Variants in MAP3K12 observed in about 807,000 individuals in gnomAD.
MAP3K12 encodes MAPK-upstream kinase.
Under a neutral mutation model 87.5 loss-of-function variants are expected in MAP3K12, and 14 were observed. The ratio of observed to expected loss-of-function variants is 0.16; its 90% CI spans 0.11 to 0.25. MAP3K12 has a LOEUF of 0.25. MAP3K12 is among the 10% of genes least tolerant of loss of function. The pLI is 1.00. For missense variants in MAP3K12, 802 were observed against 1,140.4 expected, an observed-to-expected ratio of 0.70 and a Z score of 4.27; for synonymous variants, 469 against 452.5, an observed-to-expected ratio of 1.04 and a Z score of -0.46.
chr12:53,481,162 A>C lies in MAP3K12; in HGVS notation c.*20T>G. ...AATTTATATAAATATTTCTCTATGT[A>C]CAAGGAATACGAGTGGCTTTCATGG... On this transcript the variant is annotated 3_prime_UTR_variant, in exon 14 of 14. Transcript: ENST00000547488. 1 of 1,320,032 alleles carries C rather than the reference A, an allele frequency of 7.6e-7. No homozygotes were observed. Among genetic ancestry groups the C allele is most frequent in the Non-Finnish European group, 1.0e-6 (1 of 997,332 alleles). 81.8% of individuals were successfully genotyped at this position (1,320,032 alleles called of 1,614,324 possible).
intron 1 of MAP3K12, chr12:53,487,955 C>G (rs1434884244): frequency 6.4e-6 from 1 of 155,636 alleles, no homozygotes; most frequent in African/African-American, 2.4e-5. Flanking sequence ...CTTTCAGACA[C>G]CCTTGGACAG....
chr12:53,481,731 G>A (rs760811328), intron 13 of MAP3K12: 114 of 564,138 alleles, frequency 2.0e-4, no homozygotes, highest in Non-Finnish European at 3.4e-4. Context: ...TCATTCCCTG[G>A]CTGCAATTTA....
rs759437007 is a variant in MAP3K12 at position 53,483,143 on chromosome 12, C to G, written c.1660G>C (p.Ala554Pro). 6.6e-7 allele frequency: 1 copy of G among 1,521,360 alleles called. No individual in the cohort carries two copies. The highest frequency in any genetic ancestry group is 2.3e-5 in the East Asian group (1 of 44,118). 94.2% of individuals were successfully genotyped at this position (1,521,360 alleles called of 1,614,324 possible). A position where few individuals can be genotyped will look rare whatever the true frequency, so the allele number is the denominator to read the frequency against. The change falls in exon 11 of 14, where the codon GCC (alanine) becomes CCC (proline). Residue 554 changes from alanine to proline, a missense_variant. By Grantham distance (27) the Ala-to-Pro change is conservative. Transcript: ENST00000547488. ...CCAGGAAGCCCCACCCCACTCAGGG[C>G]TGCATCTAGTTTAGGGAGCAAAGAC... The part of the protein sequence containing the change: ...TESLLPKLDA[A>P]LSGVGLPGCP...
At position 53,482,556 on chromosome 12, in the gene MAP3K12, A is replaced by G. The variant is rs1292515030; in HGVS notation, c.2238+9T>C. The G allele has an allele frequency of 6.9e-6, 11 of 1,601,320 alleles. No individual in the cohort carries two copies. Among genetic ancestry groups the G allele is most frequent in the Non-Finnish European group, 9.4e-6 (11 of 1,173,724 alleles). On this transcript the variant is annotated intron_variant, in intron 11 of 13. Transcript: ENST00000547488. ...AGGGAAAGAGCTTGGGAGCCTTCCCATACTTTACCTGACTTCGGGTGACGG... is the reference window on the plus strand; with the variant it reads ...AGGGAAAGAGCTTGGGAGCCTTCCCGTACTTTACCTGACTTCGGGTGACGG...
chr12:53,481,317 G>T, intron 13 of MAP3K12, 37 bp from the exon 14 acceptor site: 1 of 1,272,338 alleles, frequency 7.9e-7, no homozygotes, highest in East Asian at 2.9e-5. Context: ...AGATTCCTTG[G>T]GGTTCTTTGC....
intron 1 of MAP3K12, among the ~76,000 whole-genome samples, chr12:53,490,832 G>A (rs1210982667): frequency 6.6e-6 from 1 of 152,078 alleles, no homozygotes; most frequent in Admixed American, 6.5e-5. Context: ...GATACCTTGA[G>A]CCTGGGAGGG....
chr12:53,490,231 G>A (rs1046411391), intron 1 of MAP3K12, among the ~76,000 whole-genome samples: 5 of 152,036 alleles, frequency 3.3e-5, no homozygotes, highest in Admixed American at 6.6e-5. Context: ...TTGAATCTGG[G>A]AGGAGGAGGT....
At chr12:53,501,390 C>G (rs747332122), upstream of MAP3K12, 1 of 1,558,056 alleles carries the variant, frequency 6.4e-7, no homozygotes, top group South Asian at 1.2e-5. Context: ...CGGTGGCGCC[C>G]GCGGGGACGG....
At chr12:53,493,260 C>T (rs1363042391) in intron 1 of MAP3K12, among the ~76,000 whole-genome samples, 1 of 152,092 alleles carries the variant, frequency 6.6e-6, no homozygotes, top group Non-Finnish European at 1.5e-5. Flanking sequence ...TGGGCCGGCC[C>T]AGGTGGCTGG....
rs1209879167 is a variant in MAP3K12 at position 53,482,325 on chromosome 12, A to G, written c.2283T>C (p.Ser761=). 1.2e-6 allele frequency: 2 copies of G among 1,613,306 alleles called. No homozygotes were observed. The highest frequency in any genetic ancestry group is 1.7e-5 in the Admixed American group (1 of 59,944). The change falls in exon 12 of 14, where the codon AGT becomes AGC. Residue 761 remains serine, a synonymous_variant. Transcript: ENST00000547488. The stretch of plus-strand genomic sequence containing the variant: ...TCTGGCTTGATGTCAGCTCTACTTC[A>G]CTGTCTACCTCTCCTTCCTCCTCTT... ...SSEEEEGEVD[S]EVELTSSQRW...
upstream of MAP3K12, chr12:53,501,391 G>C: frequency 1.3e-6 from 2 of 1,558,434 alleles, no homozygotes; most frequent in Non-Finnish European, 1.7e-6. Flanking sequence ...GGTGGCGCCC[G>C]CGGGGACGGA....
At position 53,483,208 on chromosome 12, in the gene MAP3K12, TAAA is replaced by T; in HGVS notation, c.1614-22_1614-20del. ...ATCTGGCCTGGAAGAAGAGGAAAAGTAAAAGGTTAAGACTGCCAAATCTATGTA... is the reference window on the plus strand; with the variant it reads ...ATCTGGCCTGGAAGAAGAGGAAAAGTAGGTTAAGACTGCCAAATCTATGTA... On this transcript the variant is annotated intron_variant, in intron 10 of 13. Coordinates refer to ENST00000547488, the MANE Select transcript of MAP3K12 (RefSeq NM_001193511.2). The T allele has an allele frequency of 1.3e-6, 2 of 1,525,852 alleles. No individual in the cohort carries two copies. Among genetic ancestry groups the T allele is most frequent in the Non-Finnish European group, 1.8e-6 (2 of 1,139,034 alleles). The allele number at this position is 1,525,852 out of a possible 1,614,324, so 94.5% of individuals were successfully genotyped here. A position where few individuals can be genotyped will look rare whatever the true frequency, so the allele number is the denominator to read the frequency against.
chr12:53,492,707 A>G (rs1850923674), intron 1 of MAP3K12, among the ~76,000 whole-genome samples: 1 of 152,098 alleles, frequency 6.6e-6, no homozygotes, highest in African/African-American at 2.4e-5. Flanking sequence ...ATATGGGAGA[A>G]TTTCGTCTGG....
In MAP3K12 at chr12:53,480,448, C is replaced by T. The variant is rs1041606396; in HGVS notation, c.*734G>A. 1 of 152,532 alleles carries T rather than the reference C, an allele frequency of 6.6e-6. No individual in the cohort carries two copies. The highest frequency in any genetic ancestry group is 1.5e-5 in the Non-Finnish European group (1 of 68,036). 9.4% of individuals were successfully genotyped at this position (152,532 alleles called of 1,614,324 possible). A position where few individuals can be genotyped will look rare whatever the true frequency, so the allele number is the denominator to read the frequency against. ...CCGGAGCCCAAGGCTTTATCTTAAC[C>T]ATGTATGGTACCCCATTCATTCATC... On this transcript the variant is annotated 3_prime_UTR_variant, in exon 14 of 14. Coordinates refer to ENST00000547488, the MANE Select transcript of MAP3K12 (RefSeq NM_001193511.2).
At position 53,481,389 on chromosome 12, in the gene MAP3K12, G is replaced by A. The variant is rs1451754461; in HGVS notation, c.2581-109C>T. Reference sequence around the variant, plus strand: ...TTTTTTAAGACAGAGTCTCACTCTCGCCCAGGCTGGAGTGCAGTAGCACAA... The same window carrying A: ...TTTTTTAAGACAGAGTCTCACTCTCACCCAGGCTGGAGTGCAGTAGCACAA... On this transcript the variant is annotated intron_variant, in intron 13 of 13. Coordinates refer to ENST00000547488, the MANE Select transcript of MAP3K12 (RefSeq NM_001193511.2). The A allele has an allele frequency of 4.6e-5, 21 of 460,068 alleles. 1 individual carries two copies. The highest frequency in any genetic ancestry group is 6.4e-5 in the Non-Finnish European group (18 of 282,210). 28.5% of individuals were successfully genotyped at this position (460,068 alleles called of 1,614,324 possible).
chr12:53,500,074 G>C (rs1943650446), upstream of MAP3K12: 1 of 152,190 alleles, frequency 6.6e-6, no homozygotes, highest in African/African-American at 2.4e-5. Flanking sequence ...AGTGTTCCTG[G>C]ATGACCCCTC....
Position 53,498,754 on chromosome 12 carries a change from G to A in MAP3K12, c.-38+673C>T, listed in dbSNP as rs115522261. 6.5e-3 allele frequency among the ~76,000 whole-genome samples: 987 copies of A among 152,138 alleles called. 8 individuals are homozygous for A. Among genetic ancestry groups the A allele is most frequent in the African/African-American group, 0.023 (944 of 41,486 alleles). ...AAACCCACACGTGAATGGGGGAGGG[G>A]AGGATGCAACAGCTGGATGGAGGTG... On this transcript the variant is annotated intron_variant, in intron 1 of 13. Transcript: ENST00000547488.
At chr12:53,499,857 A>C (rs1314349024), upstream of MAP3K12, among the ~76,000 whole-genome samples, 3 of 152,230 alleles carry the variant, frequency 2.0e-5, no homozygotes, top group Non-Finnish European at 4.4e-5. Context: ...CTCAGGCCTC[A>C]GGCTGATTCC....
rs1357575769 is a variant in MAP3K12, at chr12:53,483,922, C to T, written c.1347G>A (p.Arg449=). The change falls in exon 8 of 14, where the codon AGG becomes AGA. Residue 449 remains arginine (R), a synonymous_variant. Coordinates refer to ENST00000547488, the MANE Select transcript of MAP3K12 (RefSeq NM_001193511.2). The part of the protein sequence containing the change: ...RLEEELVMRR[R]EELRHALDIR... ...GCACGGGAACTCACCTGAGCTCCTC[C>T]CTCCTCCTCATCACCAGTTCCTCTT... 6.2e-7 allele frequency: 1 copy of T among 1,614,024 alleles called. No individual in the cohort carries two copies. Among genetic ancestry groups the T allele is most frequent in the Non-Finnish European group, 8.5e-7 (1 of 1,179,972 alleles).
Sources: gnomAD v4.1 joint callset for allele counts (sites outside exome capture counted in the v4.1 genomes callset) on GRCh38, gnomAD v4.1.1 for gene constraint, MANE v1.5 for transcripts, NCBI Gene and HGNC (gene_info 2026-07-23, HGNC 2026-07-21) for gene names.